COL6A6: variants seen among roughly 807,000 people sequenced by gnomAD.
COL6A6 encodes collagen type VI alpha 6 chain.
In COL6A6, 183 loss-of-function variants were observed where a neutral mutation model predicts 208.6. The ratio of observed to expected loss-of-function variants is 0.88; its 90% CI spans 0.78 to 0.99. COL6A6 has a LOEUF of 0.99. Among genes scored for constraint, COL6A6 ranks in the 50% least tolerant of loss-of-function variants. The probability of loss-of-function intolerance (pLI) is 0.00; values close to 1 mark genes in which losing one functional copy is unlikely to be tolerated. For synonymous variants in COL6A6, 973 were observed against 1,011.8 expected (o/e 0.96, Z 0.73); for missense variants, 2,816 against 2,815.2 (o/e 1.00, Z -0.01).
At chr3:130,559,249 G>A (rs2062828751) in intron 1 of COL6A6, among the ~76,000 whole-genome samples, 1 of 152,200 alleles carries the variant, frequency 6.6e-6, no homozygotes, top group African/African-American at 2.4e-5. Context: ...GAAAAGGTTT[G>A]TACTACACAT....
intron 8 of COL6A6, among the ~76,000 whole-genome samples, chr3:130,577,004 T>A (rs908850535): frequency 8.5e-5 from 13 of 152,204 alleles, no homozygotes; most frequent in African/African-American, 2.7e-4. Flanking sequence ...AAATAATCTC[T>A]AAAAGTTCCT....
At chr3:130,578,343 A>G (rs143511493) in intron 8 of COL6A6, among the ~76,000 whole-genome samples, 1 of 152,312 alleles carries the variant, frequency 6.6e-6, no homozygotes, top group African/African-American at 2.4e-5. Flanking sequence ...CTCTTTTTAT[A>G]TTCCTGCCTT....
At chr3:130,597,733 C>T (rs143938921) in intron 18 of COL6A6, among the ~76,000 whole-genome samples, 163 of 152,186 alleles carry the variant, frequency 1.1e-3, no homozygotes, top group African/African-American at 3.6e-3. Flanking sequence ...AGTGAGTTCC[C>T]GGGAAATAGT....
At chr3:130,579,299 A>G (rs1391147082) in intron 8 of COL6A6, among the ~76,000 whole-genome samples, 2 of 152,172 alleles carry the variant, frequency 1.3e-5, no homozygotes, top group East Asian at 3.9e-4. Context: ...GTCTGATCCA[A>G]TTCACTCTTT....
intron 36 of COL6A6, among the ~76,000 whole-genome samples, chr3:130,670,230 T>C (rs984140092): frequency 2.6e-5 from 4 of 152,178 alleles, no homozygotes; most frequent in Non-Finnish European, 5.9e-5. Context: ...AAAAGGGACA[T>C]AGACAAGATG....
intron 36 of COL6A6, among the ~76,000 whole-genome samples, chr3:130,666,208 C>G (rs1328161406): frequency 2.0e-5 from 3 of 151,852 alleles, no homozygotes; most frequent in African/African-American, 4.8e-5. Context: ...TTAATTCGAT[C>G]CAAGATTGGA....
chr3:130,610,543 C>T (rs371312043), intron 22 of COL6A6, 106 bp from the exon 23 acceptor site: 1 of 835,044 alleles, frequency 1.2e-6, no homozygotes, highest in Non-Finnish European at 1.9e-6. Context: ...CTCTCTTTCC[C>T]ATTTCTGTCC....
chr3:130,598,329 A>T (rs1438842665), intron 18 of COL6A6, 36 bp from the exon 19 acceptor site: 1 of 1,384,222 alleles, frequency 7.2e-7, no homozygotes, highest in Admixed American at 2.0e-5. Flanking sequence ...GAAATGTCCA[A>T]ATATATTAAT....
chr3:130,652,839 A>C (rs764862938), intron 33 of COL6A6, among the ~76,000 whole-genome samples: 5 of 152,206 alleles, frequency 3.3e-5, no homozygotes, highest in African/African-American at 4.8e-5. Flanking sequence ...AGTTTGTTTC[A>C]TACCTACCAA....
chr3:130,579,454 C>G (rs1481083445), intron 8 of COL6A6, among the ~76,000 whole-genome samples: 1 of 152,160 alleles, frequency 6.6e-6, no homozygotes, highest in Non-Finnish European at 1.5e-5. Context: ...AACTGAACTT[C>G]TGTCTTCCCA....
At chr3:130,672,025 T>C (rs1005054234) in intron 36 of COL6A6, among the ~76,000 whole-genome samples, 2 of 152,264 alleles carry the variant, frequency 1.3e-5, no homozygotes, top group African/African-American at 2.4e-5. Flanking sequence ...GCATCTGTTA[T>C]AATTCTGCTT....
rs138668367 is a variant in COL6A6 at position 130,621,155 on chromosome 3, A to G, written c.4816-666A>G. On this transcript the variant is annotated intron_variant, in intron 23 of 36. Coordinates refer to ENST00000358511, the MANE Select transcript of COL6A6 (RefSeq NM_001102608.3). ...ATTTATCATCTGTTTAAGTTTTGCT[A>G]TGTTCTTCAATAAGATCTTAAGGCT... Among the ~76,000 whole-genome samples, 731 of 152,248 alleles carry G rather than the reference A, an allele frequency of 4.8e-3. 4 individuals are homozygous for G. The highest frequency in any genetic ancestry group is 0.017 in the African/African-American group (704 of 41,544).
chr3:130,677,011 T>A lies in COL6A6; in HGVS notation c.*1614T>A, dbSNP rs1418452074. On this transcript the variant is annotated 3_prime_UTR_variant, in exon 37 of 37. Transcript: ENST00000358511. Reference sequence around the variant, plus strand: ...CCATTAAGATGTATTTGTCTGTTTTTCTGCATTGGCAAGTAAAGAACATAA... The same window carrying A: ...CCATTAAGATGTATTTGTCTGTTTTACTGCATTGGCAAGTAAAGAACATAA... 6.6e-6 allele frequency: 1 copy of A among 152,252 alleles called. No individual in the cohort carries two copies. Among genetic ancestry groups the A allele is most frequent in the Non-Finnish European group, 1.5e-5 (1 of 68,046 alleles). 9.4% of individuals were successfully genotyped at this position (152,252 alleles called of 1,614,324 possible).
Position 130,589,079 on chromosome 3 carries a change from C to A in COL6A6, c.4126-11C>A. ...CCACCAAATGTAATGTATTTCTTAC[C>A]CTCTCCCAAGGTCAATGTTGCTGAA... On this transcript the variant is annotated splice_polypyrimidine_tract_variant and intron_variant, in intron 11 of 36. Coordinates refer to ENST00000358511, the MANE Select transcript of COL6A6 (RefSeq NM_001102608.3). The A allele has an allele frequency of 5.0e-6, 8 of 1,609,862 alleles. No individual in the cohort carries two copies. The highest frequency in any genetic ancestry group is 1.1e-5 in the South Asian group (1 of 90,828).
chr3:130,546,695 T>C (rs1319841853), intron 1 of COL6A6, among the ~76,000 whole-genome samples: 1 of 151,912 alleles, frequency 6.6e-6, no homozygotes, highest in African/African-American at 2.4e-5. Context: ...CTCCAAGTCG[T>C]CACCAGATTA....
In COL6A6 at chr3:130,615,975, T is replaced by A. The variant is rs79575026; in HGVS notation, c.4815+5264T>A. 6.9e-3 allele frequency among the ~76,000 whole-genome samples: 1,044 copies of A among 152,324 alleles called. 13 individuals carry two copies. Among genetic ancestry groups the A allele is most frequent in the African/African-American group, 0.024 (985 of 41,576 alleles). ...CAGAAGGTACCACTTCTCTCTAGTCTACGTCTACCATTTTTCTGACTGGAA... is the reference window on the plus strand; with the variant it reads ...CAGAAGGTACCACTTCTCTCTAGTCAACGTCTACCATTTTTCTGACTGGAA... On this transcript the variant is annotated intron_variant, in intron 23 of 36. Coordinates refer to ENST00000358511, the MANE Select transcript of COL6A6 (RefSeq NM_001102608.3).
upstream of COL6A6, among the ~76,000 whole-genome samples, chr3:130,516,736 G>A (rs1180629080): frequency 2.0e-5 from 3 of 152,132 alleles, no homozygotes; most frequent in African/African-American, 7.2e-5. Flanking sequence ...CCACGGAAAA[G>A]GGAGGAGTTT....
At chr3:130,551,217 G>A (rs1033056800) in intron 1 of COL6A6, among the ~76,000 whole-genome samples, 2 of 151,916 alleles carry the variant, frequency 1.3e-5, no homozygotes, top group African/African-American at 4.8e-5. Context: ...TCCACCTCAA[G>A]TTTTAGAAAT....
chr3:130,615,078 T>C (rs2064477443), intron 23 of COL6A6, among the ~76,000 whole-genome samples: 1 of 152,186 alleles, frequency 6.6e-6, no homozygotes, highest in African/African-American at 2.4e-5. Context: ...CATTTATTGC[T>C]ATAAACTTCC....
Sources: gnomAD v4.1 joint callset for allele counts (sites outside exome capture counted in the v4.1 genomes callset) on GRCh38, gnomAD v4.1.1 for gene constraint, MANE v1.5 for transcripts, NCBI Gene and HGNC (gene_info 2026-07-23, HGNC 2026-07-21) for gene names.